CREB3L2: variants seen among roughly 807,000 people sequenced by gnomAD.
The protein encoded by CREB3L2 is cAMP responsive element binding protein 3 like 2.
Under a neutral mutation model 57.2 loss-of-function variants are expected in CREB3L2, and 23 were observed. That is an observed-to-expected ratio of 0.40 (90% CI 0.29 to 0.57). CREB3L2 has a LOEUF of 0.57. Ranked by LOEUF, CREB3L2 falls within the 20% of genes least tolerant of loss-of-function variation. The probability of loss-of-function intolerance (pLI) is 0.42; values close to 1 mark genes in which losing one functional copy is unlikely to be tolerated. For missense variants in CREB3L2, 628 were observed against 634.7 expected (o/e 0.99, Z 0.11); for synonymous variants, 268 against 265.1 (o/e 1.01, Z -0.11).
At chr7:137,972,102 G>A (rs534796499) in intron 1 of CREB3L2, among the ~76,000 whole-genome samples, 4 of 152,182 alleles carry the variant, frequency 2.6e-5, no homozygotes, top group African/African-American at 7.2e-5. Context: ...AGCAGTTTCG[G>A]GAGTGCATAA....
At chr7:137,978,716 C>A (rs1457420560) in intron 1 of CREB3L2, among the ~76,000 whole-genome samples, 1 of 152,174 alleles carries the variant, frequency 6.6e-6, no homozygotes, top group African/African-American at 2.4e-5. Flanking sequence ...GGAAGGGGGG[C>A]TATCCTGACT....
chr7:137,952,911 G>A (rs147693716), intron 1 of CREB3L2, among the ~76,000 whole-genome samples: 2,357 of 152,146 alleles, frequency 0.015, 67 homozygotes, highest in African/African-American at 0.054. Flanking sequence ...TCCGCCTCCC[G>A]GGTTCCAGCG....
At chr7:137,937,646 C>T (rs970416855) in intron 1 of CREB3L2, among the ~76,000 whole-genome samples, 13 of 152,138 alleles carry the variant, frequency 8.5e-5, no homozygotes, top group African/African-American at 3.1e-4. Context: ...AGGCCCATTA[C>T]ATATTTCTTT....
At chr7:137,895,420 G>A (rs1799608950) in intron 8 of CREB3L2, among the ~76,000 whole-genome samples, 2 of 152,222 alleles carry the variant, frequency 1.3e-5, no homozygotes, top group African/African-American at 2.4e-5. Context: ...TTTCCTGATA[G>A]CATGCAATTA....
At chr7:137,936,466 AGTGT>A (rs761433459) in intron 1 of CREB3L2, among the ~76,000 whole-genome samples, 12 of 152,066 alleles carry the variant, frequency 7.9e-5, no homozygotes, top group Admixed American at 4.6e-4. Context: ...TGTGCATGTG[AGTGT>A]GTGAGTGCTA....
chr7:137,978,558 G>A lies in CREB3L2; in HGVS notation c.102+23046C>T, dbSNP rs200987626. On this transcript the variant is annotated intron_variant, in intron 1 of 11. Transcript: ENST00000330387. The stretch of plus-strand genomic sequence containing the variant: ...TCTGGAAGTTGGCAATGGCAGGCCC[G>A]GTACGATGTAAAGGTTAGGAAGTCA... Among the ~76,000 whole-genome samples the A allele has an allele frequency of 1.3e-4, 20 of 152,260 alleles. No homozygotes were observed. In the East Asian group the frequency reaches 2.3e-3, roughly 18 times the overall value.
In CREB3L2 at chr7:137,880,144, A is replaced by C; in HGVS notation, c.*332T>G. ...TCTCGTCTCCAAAGCGGGGGGTTAC[A>C]CCTCACAGGTGCACATTAGGCAATA... is the stretch of plus-strand genomic sequence containing the variant. On this transcript the variant is annotated 3_prime_UTR_variant, in exon 12 of 12. Transcript: ENST00000330387. This position sits in a 1 kb window ranked among gnomAD's most constrained non-coding sequence, Gnocchi z 4.0. The C allele has an allele frequency of 2.7e-6, 1 of 372,506 alleles. No individual in the cohort carries two copies. Among genetic ancestry groups the C allele is most frequent in the South Asian group, 3.8e-5 (1 of 26,182 alleles). The allele number at this position is 372,506 out of a possible 1,614,324, so 23.1% of individuals were successfully genotyped here.
At position 137,882,600 on chromosome 7, in the gene CREB3L2, C is replaced by T. The variant is rs1799321444; in HGVS notation, c.1299G>A (p.Glu433=). The T allele has an allele frequency of 6.2e-7, 1 of 1,608,124 alleles. No individual in the cohort carries two copies. Among genetic ancestry groups the T allele is most frequent in the Non-Finnish European group, 8.5e-7 (1 of 1,175,794 alleles). ...VVRSRNLLIY[E]EHSPPEESSS... is the part of the protein sequence containing the mutation. ...ATGACTCCTCTGGGGGAGAATGTTC[C>T]TCGTAGATCAGCAGGTTTCTGGATC... Residue 433 remains glutamate, a synonymous_variant, in exon 11 of 12, where the codon GAG becomes GAA. Transcript: ENST00000330387.
intron 1 of CREB3L2, among the ~76,000 whole-genome samples, chr7:137,984,895 C>G (rs1300996652): frequency 1.3e-5 from 2 of 152,204 alleles, no homozygotes; most frequent in African/African-American, 2.4e-5. Flanking sequence ...TAACGTAGCC[C>G]AGTAGAGAAG....
rs191006690 is a variant in CREB3L2, at chr7:137,880,575, C to T, written c.1488-24G>A. ...CCCTGTGAAGGCATTAAAAGGAAAA[C>T]GAAGTATTAGTCACCAGCTGTTAGC... On this transcript the variant is annotated intron_variant, in intron 11 of 11. Coordinates refer to ENST00000330387, the MANE Select transcript of CREB3L2 (RefSeq NM_194071.4). The surrounding 1 kb of genome is among the most constrained non-coding windows in gnomAD (Gnocchi z 4.0). 73 of 1,576,584 alleles carry T rather than the reference C, an allele frequency of 4.6e-5. No homozygotes were observed. Among genetic ancestry groups the T allele is most frequent in the East Asian group, 4.3e-4 (19 of 44,678 alleles).
chr7:137,947,239 G>A lies in CREB3L2; in HGVS notation c.103-18873C>T, dbSNP rs146431057. Among the ~76,000 whole-genome samples, 379 of 151,598 alleles carry A rather than the reference G, an allele frequency of 2.5e-3. 1 individual carries two copies. The highest frequency in any genetic ancestry group is 5.9e-3 in the Admixed American group (89 of 15,184). ...CAGACTTCCCAACCTCCAGAATCAC[G>A]AGACATACATTTCTGCACCCAGCTG... is the stretch of plus-strand genomic sequence containing the variant. On this transcript the variant is annotated intron_variant, in intron 1 of 11. Coordinates refer to ENST00000330387, the MANE Select transcript of CREB3L2 (RefSeq NM_194071.4).
rs750407611 is a variant in CREB3L2 at position 137,908,347 on chromosome 7, G to A, written c.673C>T (p.His225Tyr). 70 of 1,258,976 alleles carry A rather than the reference G, an allele frequency of 5.6e-5. No individual in the cohort carries two copies. The highest frequency in any genetic ancestry group is 6.6e-5 in the Non-Finnish European group (66 of 993,412). 78.0% of individuals were successfully genotyped at this position (1,258,976 alleles called of 1,614,324 possible). A position where few individuals can be genotyped will look rare whatever the true frequency, so the allele number is the denominator to read the frequency against. Residue 225 changes from histidine to tyrosine, a missense_variant, in exon 5 of 12, where the codon CAC becomes TAC. Coordinates refer to ENST00000330387, the MANE Select transcript of CREB3L2 (RefSeq NM_194071.4). ...TGGGTCTGAGGCAGGCTGAAGGGGT[G>A]CAGGCGTGGGTTGGGACTCAGGCTG... ...EGSLSPNPRL[H>Y]PFSLPQTHSP...
intron 1 of CREB3L2, chr7:137,955,116 T>C: frequency 5.1e-6 from 2 of 393,058 alleles, no homozygotes; most frequent in South Asian, 3.7e-5. Context: ...ATCACTCTCT[T>C]GACCCCTAAT....
chr7:137,974,810 C>G (rs1280948501), intron 1 of CREB3L2, among the ~76,000 whole-genome samples: 1 of 152,078 alleles, frequency 6.6e-6, no homozygotes, highest in Non-Finnish European at 1.5e-5. Context: ...TTTGACTGCA[C>G]CATTTGCTGG....
chr7:137,957,836 A>G, intron 1 of CREB3L2: 1 of 1,203,382 alleles, frequency 8.3e-7, no homozygotes, highest in Non-Finnish European at 1.1e-6. Flanking sequence ...TTCATCAATA[A>G]GCAAAAACAC....
chr7:137,978,974 T>C (rs187740534), intron 1 of CREB3L2, among the ~76,000 whole-genome samples: 8 of 152,308 alleles, frequency 5.3e-5, no homozygotes, highest in Admixed American at 5.2e-4. Flanking sequence ...AGATGTGATC[T>C]GAGAACTTGG....
chr7:137,971,842 T>G (rs530369577), intron 1 of CREB3L2, among the ~76,000 whole-genome samples: 7 of 151,870 alleles, frequency 4.6e-5, no homozygotes, highest in Admixed American at 2.6e-4. Flanking sequence ...CTACAAAACA[T>G]ACACTCAATG....
intron 7 of CREB3L2, among the ~76,000 whole-genome samples, chr7:137,903,081 G>C (rs1799797231): frequency 6.6e-6 from 1 of 152,138 alleles, no homozygotes; most frequent in Non-Finnish European, 1.5e-5. Flanking sequence ...CCAAAGCACG[G>C]GGATTATAAG....
At position 137,875,632 on chromosome 7, in the gene CREB3L2, C is replaced by G. The variant is rs904053187; in HGVS notation, c.*4844G>C. On this transcript the variant is annotated 3_prime_UTR_variant, in exon 12 of 12. Coordinates refer to ENST00000330387, the MANE Select transcript of CREB3L2 (RefSeq NM_194071.4). ...ATTGCAGGGGACAGGTGCTGTAATT[C>G]CTGCCCAGAGAACTTGAAAGCTTAC... The G allele has an allele frequency of 2.2e-5, 5 of 224,662 alleles. No homozygotes were observed. 13.9% of individuals were successfully genotyped at this position (224,662 alleles called of 1,614,324 possible). A position where few individuals can be genotyped will look rare whatever the true frequency, so the allele number is the denominator to read the frequency against.
Sources: gnomAD v4.1 joint callset for allele counts (sites outside exome capture counted in the v4.1 genomes callset) on GRCh38, gnomAD v4.1.1 for gene constraint, Gnocchi (gnomAD v3.1) non-coding constraint, MANE v1.5 for transcripts, NCBI Gene and HGNC (gene_info 2026-07-23, HGNC 2026-07-21) for gene names.